Variants in SIDT1 observed in about 807,000 individuals in gnomAD.
The protein encoded by SIDT1 is SID1 transmembrane family, member 1.
Under a neutral mutation model 107.5 loss-of-function variants are expected in SIDT1, and 101 were observed. That is an observed-to-expected ratio of 0.94 (90% CI 0.80 to 1.11). SIDT1 has a LOEUF of 1.11. Among genes scored for constraint, SIDT1 ranks in the 50% least tolerant of loss-of-function variants. The pLI is 0.00. For missense variants in SIDT1, 1,076 were observed against 1,058.2 expected, an observed-to-expected ratio of 1.02 and a Z score of -0.23; for synonymous variants, 395 against 398.2, an observed-to-expected ratio of 0.99 and a Z score of 0.10.
At chr3:113,616,657 C>G (rs1170122933) in intron 20 of SIDT1, among the ~76,000 whole-genome samples, 1 of 151,542 alleles carries the variant, frequency 6.6e-6, no homozygotes, top group African/African-American at 2.4e-5. Context: ...TAACCCTGAG[C>G]TTAAAATAAA....
At chr3:113,601,424 G>A (rs886149601) in intron 10 of SIDT1, 164 bp from the exon 11 acceptor site, 14 of 506,326 alleles carry the variant, frequency 2.8e-5, no homozygotes, top group African/African-American at 1.6e-4. Context: ...CAGGTGGCAG[G>A]CTAGATTTGG....
intron 10 of SIDT1, among the ~76,000 whole-genome samples, chr3:113,599,842 A>G (rs1397627158): frequency 6.6e-6 from 1 of 152,186 alleles, no homozygotes; most frequent in Non-Finnish European, 1.5e-5. Context: ...ATAATATTGC[A>G]TTCTATGTTG....
rs534152425 is a variant in SIDT1, at chr3:113,575,996, T to A, written c.516-926T>A. 7.6e-4 allele frequency among the ~76,000 whole-genome samples: 116 copies of A among 152,276 alleles called. No individual in the cohort carries two copies. The Middle Eastern group carries it at 0.017, about 22-fold the overall frequency. ...GACTGCTGTGGACTTGTGTGCATGA[T>A]CTTCATGGCTAATGATGAGGCAACA... On this transcript the variant is annotated intron_variant, in intron 3 of 24. Transcript: ENST00000264852.
intron 3 of SIDT1, 139 bp from the exon 4 acceptor site, chr3:113,576,783 C>G: frequency 1.2e-6 from 1 of 843,432 alleles, no homozygotes; most frequent in African/African-American, 1.7e-5. Context: ...TTCACGGAAC[C>G]GGAACTCCCC....
At position 113,557,223 on chromosome 3, in the gene SIDT1, A is replaced by G. The variant is rs187999929; in HGVS notation, c.223-9197A>G. Among the ~76,000 whole-genome samples the G allele has an allele frequency of 2.0e-5, 3 of 152,334 alleles. No homozygotes were observed. In the East Asian group the frequency reaches 5.8e-4, roughly 29 times the overall value. On this transcript the variant is annotated intron_variant, in intron 1 of 24. Transcript: ENST00000264852. ...TCCATGTTAATTCACTTTAACAGCAAGTAAGTAAAAGCTGAAGATAAGATG... is the reference window on the plus strand; with the variant it reads ...TCCATGTTAATTCACTTTAACAGCAGGTAAGTAAAAGCTGAAGATAAGATG...
rs1482412019 is a variant in SIDT1, at chr3:113,566,524, T to C, written c.327T>C (p.Pro109=). The change falls in exon 2 of 25, where the codon CCT becomes CCC. Residue 109 remains proline, a synonymous_variant. Coordinates refer to ENST00000264852, the MANE Select transcript of SIDT1 (RefSeq NM_017699.3). ...AAGAGGTGCTGTCCTGGCAGGTTCC[T>C]CTGCTCTTCCAAGGACTGTAAGTGG... ...QQKEVLSWQV[P]LLFQGLYQRS... 2 of 1,614,142 alleles carry C rather than the reference T, an allele frequency of 1.2e-6. No homozygotes were observed. Among genetic ancestry groups the C allele is most frequent in the Non-Finnish European group, 1.7e-6 (2 of 1,179,998 alleles).
intron 20 of SIDT1, among the ~76,000 whole-genome samples, chr3:113,616,726 T>G (rs1946135755): frequency 6.6e-6 from 1 of 151,716 alleles, no homozygotes; most frequent in African/African-American, 2.4e-5. Flanking sequence ...GTTTTGCTCT[T>G]GGCCCAGGCT....
intron 3 of SIDT1, among the ~76,000 whole-genome samples, chr3:113,575,166 T>C (rs1358821014): frequency 2.0e-5 from 3 of 152,246 alleles, no homozygotes; most frequent in African/African-American, 2.4e-5. Context: ...TTTAGTATTA[T>C]GACTGAAACT....
At chr3:113,593,209 G>A (rs1189018523) in intron 10 of SIDT1, among the ~76,000 whole-genome samples, 161 bp downstream of exon 10, 1 of 152,176 alleles carries the variant, frequency 6.6e-6, no homozygotes, top group African/African-American at 2.4e-5. Context: ...CAAAGCTAGT[G>A]AAAACCAATT....
In SIDT1 at chr3:113,567,600, CA is replaced by C. The variant is rs758951600; in HGVS notation, c.407del (p.Asn136MetfsTer9). 6.2e-7 allele frequency: 1 copy of C among 1,614,088 alleles called. No individual in the cohort carries two copies. The highest frequency in any genetic ancestry group is 1.1e-5 in the South Asian group (1 of 91,068). ...SRTLCPSEAT[N>X]ETGPLQQLIF... Reference sequence around the variant, plus strand: ...GCACCTTATGTCCCTCAGAAGCAACCAATGAGACGGGACCCTTGCAGCAACT... The same window carrying C: ...GCACCTTATGTCCCTCAGAAGCAACCATGAGACGGGACCCTTGCAGCAACT... On this transcript the variant is annotated frameshift_variant, in exon 3 of 25. Coordinates refer to ENST00000264852, the MANE Select transcript of SIDT1 (RefSeq NM_017699.3). LOFTEE classifies it high-confidence loss of function.
intron 19 of SIDT1, 86 bp from the exon 20 acceptor site, chr3:113,616,014 T>C (rs1946077436): frequency 1.2e-6 from 1 of 868,672 alleles, no homozygotes; most frequent in Non-Finnish European, 2.0e-6. Context: ...GATGACATCA[T>C]TCTGGCTCCA....
At chr3:113,569,665 T>C (rs1212488659) in intron 3 of SIDT1, among the ~76,000 whole-genome samples, 3 of 152,170 alleles carry the variant, frequency 2.0e-5, no homozygotes, top group South Asian at 4.1e-4. Flanking sequence ...CCTCCATTAA[T>C]CCTGGTGTTG....
intron 1 of SIDT1, among the ~76,000 whole-genome samples, chr3:113,564,227 G>A (rs566546355): frequency 1.9e-4 from 29 of 152,308 alleles, no homozygotes; most frequent in African/African-American, 6.3e-4. Context: ...GGCGTGAGCC[G>A]CCGTGCCTGG....
chr3:113,563,409 A>G (rs1185462333), intron 1 of SIDT1, among the ~76,000 whole-genome samples: 1 of 152,270 alleles, frequency 6.6e-6, no homozygotes, highest in African/African-American at 2.4e-5. Flanking sequence ...TTCAGTAACC[A>G]GGAATGGTGA....
chr3:113,619,795 T>C (rs1297375360), intron 21 of SIDT1, 69 bp downstream of exon 21: 1 of 1,375,448 alleles, frequency 7.3e-7, no homozygotes, highest in African/African-American at 1.4e-5. Context: ...TAGCTTTCCT[T>C]GACTGTCATT....
intron 1 of SIDT1, among the ~76,000 whole-genome samples, chr3:113,553,472 T>C (rs942359204): frequency 1.3e-5 from 2 of 152,222 alleles, no homozygotes; most frequent in Non-Finnish European, 2.9e-5. Context: ...AGAAGATACT[T>C]GCCTGCAATG....
chr3:113,623,562 C>T (rs1415108834), intron 22 of SIDT1, 30 bp downstream of exon 22: 1 of 1,600,496 alleles, frequency 6.2e-7, no homozygotes, highest in African/African-American at 1.3e-5. Context: ...GCGGCTACCT[C>T]GGGCCCTCGG....
intron 1 of SIDT1, among the ~76,000 whole-genome samples, chr3:113,558,561 C>T (rs1271980915): frequency 2.0e-5 from 3 of 152,258 alleles, no homozygotes; most frequent in Non-Finnish European, 2.9e-5. Context: ...AGACTTACTG[C>T]CTGTTATGAA....
intron 9 of SIDT1, among the ~76,000 whole-genome samples, chr3:113,591,561 C>G (rs1944153160): frequency 6.6e-6 from 1 of 151,878 alleles, no homozygotes. Context: ...CATCAAGACT[C>G]TGGTACTGAC....
Sources: allele counts gnomAD v4.1 joint callset (sites outside exome capture counted in the v4.1 genomes callset), GRCh38; gene constraint gnomAD v4.1.1; transcripts MANE v1.5; gene names NCBI Gene and HGNC (gene_info 2026-07-23, HGNC 2026-07-21).